The following RBPJ variants were observed in gnomAD, a reference collection of about 807,000 sequenced individuals.
RBPJ encodes recombining binding protein suppressor of hairless.
In RBPJ, 9 loss-of-function variants were observed where a neutral mutation model predicts 67.8. That is an observed-to-expected ratio of 0.13 (90% confidence interval 0.08 to 0.23). RBPJ has a LOEUF of 0.23. Among genes scored for constraint, RBPJ ranks in the 10% least tolerant of loss-of-function variants. The pLI, the probability that RBPJ is intolerant of heterozygous loss-of-function variation, is 1.00. For missense variants in RBPJ, 305 were observed against 595.6 expected (o/e 0.51, Z 5.08); for synonymous variants, 198 against 203.3 (o/e 0.97, Z 0.22).
At chr4:26,340,872 GA>G (rs535833238) in intron 1 of RBPJ, among the ~76,000 whole-genome samples, 5,942 of 115,348 alleles carry the variant, frequency 0.052, 167 homozygotes, top group Non-Finnish European at 0.08. Context: ...AAAAACAAAA[GA>G]AAAAAAAAAA....
At chr4:26,132,221 T>C in the RBPJ span, among the ~76,000 whole-genome samples, 2 of 152,140 alleles carry the variant, frequency 1.3e-5, no homozygotes, top group Admixed American at 6.5e-5. Flanking sequence ...ACCATCCATA[T>C]GAAAACACAA....
At chr4:26,112,840 C>T in the RBPJ span, 175 of 146,694 alleles carry the variant, frequency 1.2e-3, 2 homozygotes, top group South Asian at 0.019. Flanking sequence ...CTCACTGCAA[C>T]CTCCACCTCT....
At chr4:26,281,123 A>C (rs891573935) in intron 1 of RBPJ, among the ~76,000 whole-genome samples, 2 of 152,166 alleles carry the variant, frequency 1.3e-5, no homozygotes, top group Admixed American at 1.3e-4. Context: ...TTTATACTAA[A>C]AATCTCATTT....
At position 26,431,328 on chromosome 4, in the gene RBPJ, T is replaced by G. The variant is rs1376890136; in HGVS notation, c.*321T>G. The G allele has an allele frequency of 4.1e-6, 1 of 246,022 alleles. No individual in the cohort carries two copies. Among genetic ancestry groups the G allele is most frequent in the Admixed American group, 5.0e-5 (1 of 19,906 alleles). 15.2% of individuals were successfully genotyped at this position (246,022 alleles called of 1,614,324 possible). A position where few individuals can be genotyped will look rare whatever the true frequency, so the allele number is the denominator to read the frequency against. ...ATGGGCAAGAAGTAAATAATGTGGCTGGAATACAAGTTGAACAAACTAGAA... is the reference window on the plus strand; with the variant it reads ...ATGGGCAAGAAGTAAATAATGTGGCGGGAATACAAGTTGAACAAACTAGAA... On this transcript the variant is annotated 3_prime_UTR_variant, in exon 11 of 11. Coordinates refer to ENST00000355476, the MANE Select transcript of RBPJ (RefSeq NM_015874.6).
At chr4:26,352,355 A>G (rs891932155) in intron 1 of RBPJ, among the ~76,000 whole-genome samples, 2 of 152,160 alleles carry the variant, frequency 1.3e-5, no homozygotes, top group African/African-American at 4.8e-5. Flanking sequence ...TTTTATAAGG[A>G]CACTAATCCC....
rs1293956584 is a variant in RBPJ, at chr4:26,434,507, A to G, written c.*3500A>G. 2 of 152,224 alleles carry G rather than the reference A, an allele frequency of 1.3e-5. No homozygotes were observed. The highest frequency in any genetic ancestry group is 2.9e-5 in the Non-Finnish European group (2 of 68,034). The allele number at this position is 152,224 out of a possible 1,614,324, so 9.4% of individuals were successfully genotyped here. A position where few individuals can be genotyped will look rare whatever the true frequency, so the allele number is the denominator to read the frequency against. ...TGTAATTTTCTGTGCCAGACTTATG[A>G]CTTTGTTTTCAAGCACTGTAATGTG... On this transcript the variant is annotated 3_prime_UTR_variant, in exon 11 of 11. Transcript: ENST00000355476.
At chr4:26,120,784 T>C in the RBPJ span, among the ~76,000 whole-genome samples, 34 of 143,846 alleles carry the variant, frequency 2.4e-4, no homozygotes, top group East Asian at 4.3e-3. Flanking sequence ...GATGAGACCA[T>C]TGAGGCGTGG....
At chr4:26,417,663 A>G (rs530163249) in intron 4 of RBPJ, among the ~76,000 whole-genome samples, 7 of 152,232 alleles carry the variant, frequency 4.6e-5, no homozygotes, top group Non-Finnish European at 8.8e-5. Context: ...TGCTTAGAGC[A>G]TAAAGGTATA....
chr4:26,160,752 C>G (rs546844050), upstream of RBPJ, among the ~76,000 whole-genome samples: 1 of 151,556 alleles, frequency 6.6e-6, no homozygotes, highest in Non-Finnish European at 1.5e-5. Context: ...TCCAAGAAAG[C>G]TGAGTAGGGT....
At chr4:26,272,330 TC>T (rs1228097888) in intron 1 of RBPJ, among the ~76,000 whole-genome samples, 1 of 152,098 alleles carries the variant, frequency 6.6e-6, no homozygotes, top group Non-Finnish European at 1.5e-5. Flanking sequence ...ATTTGGGAGA[TC>T]AAGGCAAGAG....
the RBPJ span, among the ~76,000 whole-genome samples, chr4:26,147,505 C>T: frequency 2.0e-5 from 3 of 152,226 alleles, no homozygotes; most frequent in Non-Finnish European, 4.4e-5. Context: ...GGCAGAGCCT[C>T]GGTCACCAGC....
chr4:26,118,135 C>T, the RBPJ span, among the ~76,000 whole-genome samples: 1 of 152,060 alleles, frequency 6.6e-6, no homozygotes, highest in Non-Finnish European at 1.5e-5. Context: ...AATATATATT[C>T]ACCCATATAT....
rs1054068004 is a variant in RBPJ, at chr4:26,424,287, T to C, written c.497-55T>C. On this transcript the variant is annotated intron_variant, in intron 5 of 10. Coordinates refer to ENST00000355476, the MANE Select transcript of RBPJ (RefSeq NM_015874.6). This position sits in a 1 kb window ranked among gnomAD's most constrained non-coding sequence, Gnocchi z 5.3. ...GCCAAGCAGAATTTCCTTCTTTTGCTCCCTCCCCACCTTCTGCTCCAATCA... is the reference window on the plus strand; with the variant it reads ...GCCAAGCAGAATTTCCTTCTTTTGCCCCCTCCCCACCTTCTGCTCCAATCA... The C allele has an allele frequency of 1.3e-6, 2 of 1,562,856 alleles. No homozygotes were observed. Among genetic ancestry groups the C allele is most frequent in the South Asian group, 1.2e-5 (1 of 86,010 alleles).
chr4:26,211,227 C>T (rs1293883836), intron 1 of RBPJ, among the ~76,000 whole-genome samples: 2 of 152,128 alleles, frequency 1.3e-5, no homozygotes, highest in African/African-American at 2.4e-5. Flanking sequence ...CTTTTCTGTA[C>T]ATATGCCTAG....
intron 4 of RBPJ, among the ~76,000 whole-genome samples, chr4:26,417,318 T>C (rs1734692503): frequency 6.6e-6 from 1 of 152,222 alleles, no homozygotes; most frequent in African/African-American, 2.4e-5. Context: ...GCATTGTGGC[T>C]TAGTAGTGCC....
chr4:26,136,379 A>G, the RBPJ span, among the ~76,000 whole-genome samples: 1 of 152,190 alleles, frequency 6.6e-6, no homozygotes, highest in Non-Finnish European at 1.5e-5. Flanking sequence ...GGTGCAGTCC[A>G]GTCCTGCCCC....
chr4:26,337,227 T>A (rs1331209827), intron 1 of RBPJ, among the ~76,000 whole-genome samples: 1 of 151,904 alleles, frequency 6.6e-6, no homozygotes, highest in Non-Finnish European at 1.5e-5. Context: ...TGCCTTGGCC[T>A]CCCAAAGTGC....
intron 1 of RBPJ, among the ~76,000 whole-genome samples, chr4:26,201,984 C>G (rs1168983091): frequency 3.3e-5 from 5 of 152,188 alleles, no homozygotes; most frequent in African/African-American, 1.2e-4. Flanking sequence ...TCAGCAGCAC[C>G]GAACATGGTT....
chr4:26,186,946 C>T (rs73112567), intron 1 of RBPJ, among the ~76,000 whole-genome samples: 19,180 of 152,082 alleles, frequency 0.13, 1,388 homozygotes, highest in African/African-American at 0.17. Context: ...CAAGGCCTGG[C>T]GCAGTGGACC....
Sources: gnomAD v4.1 joint callset for allele counts (sites outside exome capture counted in the v4.1 genomes callset) on GRCh38, gnomAD v4.1.1 for gene constraint, Gnocchi (gnomAD v3.1) non-coding constraint, MANE v1.5 for transcripts, NCBI Gene and HGNC (gene_info 2026-07-23, HGNC 2026-07-21) for gene names.